The following KRT5 variants were observed in gnomAD, a reference collection of about 807,000 sequenced individuals.
KRT5 encodes the protein keratin 5, also known as keratin, type II cytoskeletal 5.
In KRT5, 17 loss-of-function variants were observed where a neutral mutation model predicts 44.0. The observed-to-expected ratio is 0.39, with a 90% CI of 0.26 to 0.58. KRT5 has a LOEUF of 0.58. Among genes scored for constraint, KRT5 ranks in the 20% least tolerant of loss-of-function variants. The pLI is 0.61. For missense variants in KRT5, 737 were observed against 785.5 expected, an observed-to-expected ratio of 0.94 and a Z score of 0.74; for synonymous variants, 329 against 312.8, an observed-to-expected ratio of 1.05 and a Z score of -0.55.
intron 8 of KRT5, 151 bp from the exon 9 acceptor site, chr12:52,515,391 G>C: frequency 8.7e-7 from 1 of 1,152,312 alleles, no homozygotes; most frequent in South Asian, 1.3e-5. Flanking sequence ...TTTAATTAAG[G>C]TCCCTAAAAA....
chr12:52,516,194 A>C, intron 7 of KRT5: 1 of 435,496 alleles, frequency 2.3e-6, no homozygotes, highest in Non-Finnish European at 4.2e-6. Flanking sequence ...AAAGTAGGCA[A>C]TGGGCAATGT....
intron 6 of KRT5, 84 bp from the exon 7 acceptor site, chr12:52,516,941 T>A: frequency 1.9e-6 from 3 of 1,553,608 alleles, no homozygotes; most frequent in Admixed American, 1.7e-5. Flanking sequence ...AACCAAACTA[T>A]CATGAATCCC....
Position 52,516,733 on chromosome 12 carries a change from C to A in KRT5, c.1343G>T (p.Arg448Leu), listed in dbSNP as rs761655080. The A allele has an allele frequency of 1.2e-6, 2 of 1,614,194 alleles. No homozygotes were observed. The highest frequency in any genetic ancestry group is 1.7e-6 in the Non-Finnish European group (2 of 1,180,040). Residue 448 changes from arginine (R) to leucine (L), a missense_variant, in exon 7 of 9, where the codon CGG (arginine) becomes CTG (leucine). By Grantham distance (102) the Arg-to-Leu change is moderately radical. Transcript: ENST00000252242. ...ALQKAKQDMA[R>L]LLREYQELMN... ...GAGCTCCTGGTACTCACGCAGCAGC[C>A]GGGCCATGTCCTGCTTGGCCTTCTG...
intron 1 of KRT5, 149 bp downstream of exon 1, chr12:52,519,593 C>A: frequency 1.1e-6 from 1 of 902,272 alleles, no homozygotes. Context: ...CAGAACGTGT[C>A]CACAAATCCA....
At position 52,516,707 on chromosome 12, in the gene KRT5, T is replaced by G. The variant is rs745507253; in HGVS notation, c.1369A>C (p.Met457Leu). The change falls in exon 7 of 9, where the codon ATG becomes CTG. Residue 457 changes from methionine (M) to leucine (L), a missense_variant. This residue lies in a region of KRT5 where 344 missense variants were observed against 351.6 expected (regional missense o/e 0.98). Transcript: ENST00000252242. ...ACGTCCAGGGCCAGCTTGGTGTTCA[T>G]GAGCTCCTGGTACTCACGCAGCAGC... is the stretch of plus-strand genomic sequence containing the variant. ...ARLLREYQEL[M>L]NTKLALDVEI... The G allele has an allele frequency of 1.2e-6, 2 of 1,614,218 alleles. No homozygotes were observed. The highest frequency in any genetic ancestry group is 4.5e-5 in the East Asian group (2 of 44,882).
intron 7 of KRT5, 65 bp downstream of exon 7, chr12:52,516,572 C>A (rs1360670280): frequency 9.6e-6 from 14 of 1,460,836 alleles, no homozygotes; most frequent in Non-Finnish European, 1.2e-5. Context: ...GTGTTGTACA[C>A]CCCACAGTAG....
intron 5 of KRT5, 96 bp downstream of exon 5, chr12:52,517,494 C>G (rs771307634): frequency 7.5e-7 from 1 of 1,338,156 alleles, no homozygotes; most frequent in South Asian, 1.2e-5. Flanking sequence ...TGGGCTTCAG[C>G]AGGTTCCAGG....
At chr12:52,515,941 G>T in intron 7 of KRT5, 109 bp from the exon 8 acceptor site, 2 of 928,862 alleles carry the variant, frequency 2.2e-6, no homozygotes, top group Non-Finnish European at 3.6e-6. Flanking sequence ...TAAGCCAGGA[G>T]TCTGTACACC....
intron 7 of KRT5, 108 bp from the exon 8 acceptor site, chr12:52,515,940 A>G: frequency 2.1e-6 from 2 of 938,696 alleles, no homozygotes; most frequent in East Asian, 2.4e-5. Context: ...ATAAGCCAGG[A>G]GTCTGTACAC....
At chr12:52,516,352 A>G in intron 7 of KRT5, 1 of 466,142 alleles carries the variant, frequency 2.1e-6, no homozygotes, top group Non-Finnish European at 4.0e-6. Context: ...GAGGTTGAGC[A>G]AAGGACGTGA....
intron 2 of KRT5, chr12:52,518,498 A>G (rs1233004763): frequency 6.0e-6 from 2 of 332,238 alleles, no homozygotes; most frequent in Admixed American, 3.6e-5. Flanking sequence ...CAGAGGCTTT[A>G]AAAAAAAAAA....
chr12:52,518,062 G>A, intron 3 of KRT5, 41 bp downstream of exon 3: 3 of 1,611,884 alleles, frequency 1.9e-6, no homozygotes, highest in Middle Eastern at 3.3e-4. Context: ...CGCTTAGAGA[G>A]CATAGCTGCA....
chr12:52,517,657 A>G lies in KRT5; in HGVS notation c.1025T>C (p.Val342Ala). 6.2e-7 allele frequency: 1 copy of G among 1,614,106 alleles called. No individual in the cohort carries two copies. The highest frequency in any genetic ancestry group is 8.5e-7 in the Non-Finnish European group (1 of 1,180,010). The change falls in exon 5 of 9, where the codon GTC becomes GCC. Residue 342 changes from valine to alanine, a missense_variant. By Grantham distance (64) the Val-to-Ala change is moderately conservative. Coordinates refer to ENST00000252242, the MANE Select transcript of KRT5 (RefSeq NM_000424.4). ...GGCAATCTCCTCATACTGGGCCTTG[A>G]CCTCAGCGATGATGCTATCCAGGTC... ...NLDLDSIIAE[V>A]KAQYEEIANR...
intron 5 of KRT5, 91 bp from the exon 6 acceptor site, chr12:52,517,323 G>T: frequency 6.7e-7 from 1 of 1,503,486 alleles, no homozygotes; most frequent in South Asian, 1.1e-5. Context: ...CTAAGTGGTG[G>T]CAAATAGTGT....
rs755413229 is a variant in KRT5 at position 52,520,073 on chromosome 12, G to T, written c.224C>A (p.Ser75Tyr). Reference protein sequence around the residue: ...LYNLGGSKRISISTSGGSFRN... With the variant: ...LYNLGGSKRIYISTSGGSFRN... ...GAAGCTGCCACCACTAGTGCTGATG[G>T]ATATCCTCTTGGAGCCCCCCAGGTT... Residue 75 changes from serine (S) to tyrosine (Y), a missense_variant, in exon 1 of 9, where the codon TCC becomes TAC. By Grantham distance (144) the Ser-to-Tyr change is moderately radical. Transcript: ENST00000252242. 6.8e-6 allele frequency: 11 copies of T among 1,613,994 alleles called. No individual in the cohort carries two copies. The highest frequency in any genetic ancestry group is 8.5e-6 in the Non-Finnish European group (10 of 1,180,024).
At chr12:52,518,726 G>A (rs1234489922) in intron 2 of KRT5, among the ~76,000 whole-genome samples, 1 of 152,212 alleles carries the variant, frequency 6.6e-6, no homozygotes, top group South Asian at 2.1e-4. Flanking sequence ...TGCTCTGGCT[G>A]TTGACTAAGT....
chr12:52,515,896 G>T, intron 7 of KRT5, 64 bp from the exon 8 acceptor site: 1 of 1,333,586 alleles, frequency 7.5e-7, no homozygotes, highest in Non-Finnish European at 1.1e-6. Flanking sequence ...AGTCTATGTG[G>T]CTAACTCCCA....
chr12:52,515,638 G>C, intron 8 of KRT5, 160 bp downstream of exon 8: 1 of 716,562 alleles, frequency 1.4e-6, no homozygotes, highest in Non-Finnish European at 2.5e-6. Context: ...GTCCCAATCT[G>C]TCCTTCCCCT....
chr12:52,520,058 C>T lies in KRT5; in HGVS notation c.239G>A (p.Gly80Asp). 3 of 1,614,144 alleles carry T rather than the reference C, an allele frequency of 1.9e-6. No homozygotes were observed. Among genetic ancestry groups the T allele is most frequent in the Non-Finnish European group, 2.5e-6 (3 of 1,180,022 alleles). Residue 80 changes from glycine to aspartate, a missense_variant, in exon 1 of 9, where the codon GGT becomes GAT. Physicochemically the swap from Gly to Asp is moderately conservative, Grantham distance 94 (BLOSUM62 -1). Around this residue, in one of 5 missense-constraint regions of KRT5, gnomAD observed 326 missense variants for 333.1 expected, o/e 0.98. Coordinates refer to ENST00000252242, the MANE Select transcript of KRT5 (RefSeq NM_000424.4). ...GSKRISISTS[G>D]GSFRNRFGAG... ...ACCAAACCGGTTCCTGAAGCTGCCA[C>T]CACTAGTGCTGATGGATATCCTCTT...
Sources: gnomAD v4.1 joint callset for allele counts (sites outside exome capture counted in the v4.1 genomes callset) on GRCh38, gnomAD v4.1.1 for gene constraint, gnomAD v4.1.1 regional missense constraint, MANE v1.5 for transcripts, NCBI Gene and HGNC (gene_info 2026-07-23, HGNC 2026-07-21) for gene names.